The following MAMDC4 variants were observed in gnomAD, a reference collection of about 807,000 sequenced individuals.
MAMDC4 encodes MAM domain containing 4, also known as apical endosomal glycoprotein.
A neutral mutation model predicts 153.3 loss-of-function variants in MAMDC4; 168 were observed. The ratio of observed to expected loss-of-function variants is 1.10; its 90% CI spans 0.97 to 1.25. The LOEUF (loss-of-function observed/expected upper bound fraction) is 1.25, where lower values mean the gene tolerates loss of function less well. Ranked by LOEUF, MAMDC4 falls within the 50% of genes most tolerant of loss-of-function variation. MAMDC4 has a pLI of 0.00. For synonymous variants in MAMDC4, 744 were observed against 651.5 expected, an observed-to-expected ratio of 1.14 and a Z score of -2.16; for missense variants, 1,701 against 1,542.8, an observed-to-expected ratio of 1.10 and a Z score of -1.72.
Position 136,854,243 on chromosome 9 carries a change from C to G in MAMDC4, c.703C>G (p.His235Asp). ...GGCCAACTGTCCCCCGGGACACCAC[C>G]ACTGCCAGAACAAGGTCTGCGTGGA... Reference protein sequence around the residue: ...PQANCPPGHHHCQNKVCVEPQ... With the variant: ...PQANCPPGHHDCQNKVCVEPQ... Residue 235 changes from histidine (H) to aspartate (D), a missense_variant, in exon 7 of 27, where the codon CAC becomes GAC. Coordinates refer to ENST00000317446, the MANE Select transcript of MAMDC4 (RefSeq NM_206920.3). 1 of 1,612,178 alleles carries G rather than the reference C, an allele frequency of 6.2e-7. No individual in the cohort carries two copies. The highest frequency in any genetic ancestry group is 8.5e-7 in the Non-Finnish European group (1 of 1,179,756).
In MAMDC4 at chr9:136,852,353, G is replaced by T; in HGVS notation, c.-64G>T. The T allele has an allele frequency of 3.2e-6, 5 of 1,586,748 alleles. No homozygotes were observed. The highest frequency in any genetic ancestry group is 4.3e-6 in the Non-Finnish European group (5 of 1,165,458). ...GAGTCAGCGTGCGGGGCCAGCGCAG[G>T]CTGATAACCGCACGGAACTTCCCAG... On this transcript the variant is annotated 5_prime_UTR_variant, in exon 1 of 27. Coordinates refer to ENST00000317446, the MANE Select transcript of MAMDC4 (RefSeq NM_206920.3).
rs139500904 is a variant in MAMDC4, at chr9:136,857,188, C to T, written c.1996C>T (p.Arg666Trp). ...AGGGACTCTGCGCCTAGCCATGAGA[C>T]GGGAAGGGGAGGAGACACACCTGTG... ...QIGTLRLAMRREGEETHLWSR... is the reference protein window; with the variant it reads ...QIGTLRLAMRWEGEETHLWSR... Residue 666 changes from arginine (R) to tryptophan (W), a missense_variant, in exon 17 of 27, where the codon CGG (arginine) becomes TGG (tryptophan). Transcript: ENST00000317446. 1.1e-4 allele frequency: 170 copies of T among 1,612,346 alleles called. No individual in the cohort carries two copies. In the East Asian group the frequency reaches 2.8e-3, roughly 27 times the overall value.
At position 136,859,191 on chromosome 9, in the gene MAMDC4, C is replaced by G. The variant is rs1257069110; in HGVS notation, c.3085-18C>G. On this transcript the variant is annotated intron_variant, in intron 24 of 26. Coordinates refer to ENST00000317446, the MANE Select transcript of MAMDC4 (RefSeq NM_206920.3). ...CCTCCACCCAGGGCCCACACAAACT[C>G]CTTTCCTTCTCCATCAGATCGTGTT... The G allele has an allele frequency of 3.7e-6, 6 of 1,606,840 alleles. No homozygotes were observed. In the South Asian group the frequency reaches 6.6e-5, roughly 18 times the overall value.
At chr9:136,853,747 G>A (rs778565348) in intron 4 of MAMDC4, 30 bp from the exon 5 acceptor site, 13 of 1,606,144 alleles carry the variant, frequency 8.1e-6, no homozygotes, top group African/African-American at 2.7e-5. Context: ...AAGCAGGGCC[G>A]CAGCTGCCCT....
Position 136,857,164 on chromosome 9 carries a change from G to A in MAMDC4, c.1973-1G>A. The stretch of plus-strand genomic sequence containing the variant: ...GTTATGGACTGGTCCCCTCCCTGCA[G>A]GGACTCTGCGCCTAGCCATGAGACG... On this transcript the variant is annotated splice_acceptor_variant, in intron 16 of 26. Transcript: ENST00000317446. LOFTEE classifies it high-confidence loss of function. 1 of 1,612,428 alleles carries A rather than the reference G, an allele frequency of 6.2e-7. No individual in the cohort carries two copies. The highest frequency in any genetic ancestry group is 8.5e-7 in the Non-Finnish European group (1 of 1,179,828).
At chr9:136,855,897 G>A (rs368378041) in intron 13 of MAMDC4, 49 bp downstream of exon 13, 12 of 1,484,022 alleles carry the variant, frequency 8.1e-6, no homozygotes, top group South Asian at 6.7e-5. Flanking sequence ...TGTGAGCAGC[G>A]TCCTCAGAGG....
rs758608240 is a variant in MAMDC4 at position 136,853,237 on chromosome 9, G to A, written c.154+28G>A. 12 of 1,612,390 alleles carry A rather than the reference G, an allele frequency of 7.4e-6. 1 individual carries two copies. In the South Asian group the frequency reaches 1.3e-4, roughly 18 times the overall value. Reference sequence around the variant, plus strand: ...GAGCCAAGACCAGATGGGCGGGCAGGGCCAGTGCGAGCAGGTCTGGCACAC... The same window carrying A: ...GAGCCAAGACCAGATGGGCGGGCAGAGCCAGTGCGAGCAGGTCTGGCACAC... On this transcript the variant is annotated intron_variant, in intron 2 of 26. Coordinates refer to ENST00000317446, the MANE Select transcript of MAMDC4 (RefSeq NM_206920.3).
intron 13 of MAMDC4, 77 bp downstream of exon 13, chr9:136,855,925 T>C: frequency 6.6e-7 from 1 of 1,525,036 alleles, no homozygotes; most frequent in Non-Finnish European, 8.8e-7. Context: ...GCTCTGCCTC[T>C]GCACTACAGA....
intron 25 of MAMDC4, chr9:136,859,685 G>C (rs1325748097): frequency 1.6e-6 from 1 of 615,774 alleles, no homozygotes; most frequent in Non-Finnish European, 2.8e-6. Flanking sequence ...GGGGCCATGA[G>C]CCCCACCAAG....
intron 13 of MAMDC4, 34 bp downstream of exon 13, chr9:136,855,882 C>T: frequency 6.8e-7 from 1 of 1,478,496 alleles, no homozygotes; most frequent in Non-Finnish European, 9.0e-7. Flanking sequence ...AAGCCCCCGC[C>T]CGGGTGTGAG....
At position 136,856,768 on chromosome 9, in the gene MAMDC4, C is replaced by T. The variant is rs1394972713; in HGVS notation, c.1779C>T (p.Asp593=). The T allele has an allele frequency of 2.5e-6, 4 of 1,612,180 alleles. No individual in the cohort carries two copies. The highest frequency in any genetic ancestry group is 1.7e-5 in the Admixed American group (1 of 59,908). The change falls in exon 15 of 27, where the codon GAC becomes GAT. Residue 593 remains aspartate, a synonymous_variant. Transcript: ENST00000317446. ...GCTGGTACCCAGGCCACCTCTCAGA[C>T]ACACACTGGCGCTGGGTGGAGAGCC... ...TCSWYPGHLS[D]THWRWVESRG... is the part of the protein sequence containing the mutation.
At position 136,858,985 on chromosome 9, in the gene MAMDC4, C is replaced by T. The variant is rs752261822; in HGVS notation, c.2957-20C>T. On this transcript the variant is annotated intron_variant, in intron 23 of 26. Transcript: ENST00000317446. ...GAGCCCCAGGACCCCAGGCCTGACA[C>T]GCCCTGGCCCTGCTCTCAGACAAGG... The T allele has an allele frequency of 3.7e-5, 55 of 1,503,170 alleles. No individual in the cohort carries two copies. The highest frequency in any genetic ancestry group is 9.7e-5 in the African/African-American group (7 of 71,864). The allele number at this position is 1,503,170 out of a possible 1,614,324, so 93.1% of individuals were successfully genotyped here.
In MAMDC4 at chr9:136,857,516, G is replaced by T; in HGVS notation, c.2256G>T (p.Arg752Ser). 1.9e-6 allele frequency: 3 copies of T among 1,610,696 alleles called. No individual in the cohort carries two copies. Among genetic ancestry groups the T allele is most frequent in the Non-Finnish European group, 2.5e-6 (3 of 1,179,972 alleles). Residue 752 changes from arginine to serine, a missense_variant, in exon 18 of 27, where the codon AGG becomes AGT. By Grantham distance (110) the Arg-to-Ser change is moderately radical. Coordinates refer to ENST00000317446, the MANE Select transcript of MAMDC4 (RefSeq NM_206920.3). ...CCCCTGGAGGCCAAGGTCTCTGGAG[G>T]CGGCAGGCCAATGCCTCGGGCCATG... ...GFSPGGQGLW[R>S]RQANASGHAA...
At position 136,853,915 on chromosome 9, in the gene MAMDC4, G is replaced by A. The variant is rs758034851; in HGVS notation, c.585+8G>A. 1.2e-6 allele frequency: 2 copies of A among 1,612,718 alleles called. No homozygotes were observed. Among genetic ancestry groups the A allele is most frequent in the Admixed American group, 1.7e-5 (1 of 59,996 alleles). On this transcript the variant is annotated splice_region_variant and intron_variant, in intron 5 of 26. Coordinates refer to ENST00000317446, the MANE Select transcript of MAMDC4 (RefSeq NM_206920.3). ...ATCCGGGGTGACTTCCGAGTGAGCTGGGAGGGTCTGGACGAGTGGGGGCCT... is the reference window on the plus strand; with the variant it reads ...ATCCGGGGTGACTTCCGAGTGAGCTAGGAGGGTCTGGACGAGTGGGGGCCT...
At chr9:136,853,045 G>C in intron 1 of MAMDC4, 57 bp from the exon 2 acceptor site, 1 of 1,459,806 alleles carries the variant, frequency 6.9e-7, no homozygotes, top group South Asian at 1.2e-5. Flanking sequence ...GTCCTAGGCA[G>C]GCTGGGATGG....
In MAMDC4 at chr9:136,852,365, A is replaced by C; in HGVS notation, c.-52A>C. 4 of 1,601,648 alleles carry C rather than the reference A, an allele frequency of 2.5e-6. No homozygotes were observed. Among genetic ancestry groups the C allele is most frequent in the Non-Finnish European group, 3.4e-6 (4 of 1,177,384 alleles). ...GGGGCCAGCGCAGGCTGATAACCGC[A>C]CGGAACTTCCCAGGCACCCTGTGTG... is the stretch of plus-strand genomic sequence containing the variant. On this transcript the variant is annotated 5_prime_UTR_variant, in exon 1 of 27. Transcript: ENST00000317446.
In MAMDC4 at chr9:136,853,814, A is replaced by G; in HGVS notation, c.492A>G (p.Ala164=). Residue 164 remains alanine (A), a synonymous_variant, in exon 5 of 27, where the codon GCA becomes GCG. Coordinates refer to ENST00000317446, the MANE Select transcript of MAMDC4 (RefSeq NM_206920.3). ...AELRVELTHG[A]ETLTLWQSTG... ...TGCGGGTGGAGCTGACCCATGGCGCAGAGACCCTGACCCTGTGGCAGAGCA... is the reference window on the plus strand; with the variant it reads ...TGCGGGTGGAGCTGACCCATGGCGCGGAGACCCTGACCCTGTGGCAGAGCA... 6.2e-7 allele frequency: 1 copy of G among 1,612,190 alleles called. No individual in the cohort carries two copies.
At position 136,856,611 on chromosome 9, in the gene MAMDC4, T is replaced by G. The variant is rs750942617; in HGVS notation, c.1721-99T>G. 28 of 1,142,586 alleles carry G rather than the reference T, an allele frequency of 2.5e-5. No homozygotes were observed. In the African/African-American group the frequency reaches 4.1e-4, roughly 17 times the overall value. The allele number at this position is 1,142,586 out of a possible 1,614,324, so 70.8% of individuals were successfully genotyped here. A position where few individuals can be genotyped will look rare whatever the true frequency, so the allele number is the denominator to read the frequency against. Reference sequence around the variant, plus strand: ...CCCATCCTCACTCCCACCTGGGTGCTCCCCTTACACTCCTCCAGGGACCCC... The same window carrying G: ...CCCATCCTCACTCCCACCTGGGTGCGCCCCTTACACTCCTCCAGGGACCCC... On this transcript the variant is annotated intron_variant, in intron 14 of 26. Transcript: ENST00000317446.
rs777438644 is a variant in MAMDC4 at position 136,855,103 on chromosome 9, C to G, written c.1190C>G (p.Pro397Arg). ...CGTGTTGACATCCAGAGCGCCTACC[C>G]CTTCCAGGTAGGGAACAGCAAGAGG... Reference protein sequence around the residue: ...RDRVDIQSAYPFQILLAGQTG... With the variant: ...RDRVDIQSAYRFQILLAGQTG... The change falls in exon 10 of 27, where the codon CCC becomes CGC. Residue 397 changes from proline to arginine, a missense_variant. Transcript: ENST00000317446. The G allele has an allele frequency of 2.1e-5, 33 of 1,575,182 alleles. No individual in the cohort carries two copies. Among genetic ancestry groups the G allele is most frequent in the Non-Finnish European group, 2.8e-5 (32 of 1,160,876 alleles).
Sources: gnomAD v4.1 joint callset for allele counts on GRCh38, gnomAD v4.1.1 for gene constraint, MANE v1.5 for transcripts, NCBI Gene and HGNC (gene_info 2026-07-23, HGNC 2026-07-21) for gene names.